The following COPG2 variants were observed in gnomAD, a reference collection of about 807,000 sequenced individuals.
The protein encoded by COPG2 is coatomer subunit gamma-2.
COPG2 carries 37 observed loss-of-function variants against 46.3 expected under a neutral mutation model. The observed-to-expected ratio is 0.80, with a 90% CI of 0.61 to 1.05. The LOEUF (loss-of-function observed/expected upper bound fraction) is 1.05, where lower values mean the gene tolerates loss of function less well. Ranked by LOEUF, COPG2 falls within the 50% of genes least tolerant of loss-of-function variation. The pLI is 0.00. For synonymous variants in COPG2, 159 were observed against 129.7 expected, an observed-to-expected ratio of 1.23 and a Z score of -1.53; for missense variants, 427 against 387.8, an observed-to-expected ratio of 1.10 and a Z score of -0.85.
At chr7:130,631,785 A>G (rs970829368) in intron 5 of COPG2, among the ~76,000 whole-genome samples, 11 of 152,156 alleles carry the variant, frequency 7.2e-5, no homozygotes, top group African/African-American at 2.7e-4. Flanking sequence ...AATTACGTAA[A>G]CAAGGAAAAT....
chr7:130,612,014 C>A, intron 8 of COPG2, 138 bp downstream of exon 8: 1 of 651,000 alleles, frequency 1.5e-6, no homozygotes, highest in Non-Finnish European at 2.7e-6. Flanking sequence ...AGTGAGATTC[C>A]TACTTCAGAA....
At chr7:130,651,930 A>G (rs1350539312) in intron 5 of COPG2, among the ~76,000 whole-genome samples, 5 of 152,168 alleles carry the variant, frequency 3.3e-5, no homozygotes, top group Non-Finnish European at 5.9e-5. Context: ...GATTACAGGC[A>G]TGAGCCACCA....
At position 130,663,014 on chromosome 7, in the gene COPG2, C is replaced by T; in HGVS notation, c.196G>A (p.Ala66Thr). The change falls in exon 4 of 24, where the codon GCT becomes ACT. Residue 66 changes from alanine (A) to threonine (T), a missense_variant. Ala to Thr is a moderately conservative substitution (Grantham distance 58, BLOSUM62 0). Transcript: ENST00000425248. The stretch of plus-strand genomic sequence containing the variant: ...GTCATTGCAAAGAAGGCTTCTGTAG[C>T]TTCCGTTGTTCCAAAGTGTTCACCC... ...NQGEHFGTTE[A>T]TEAFFAMTRL... 2 of 1,547,352 alleles carry T rather than the reference C, an allele frequency of 1.3e-6. No homozygotes were observed. The highest frequency in any genetic ancestry group is 1.4e-5 in the African/African-American group (1 of 72,430).
At chr7:130,531,943 G>GA (rs1321542394) in intron 20 of COPG2, among the ~76,000 whole-genome samples, 14 of 152,094 alleles carry the variant, frequency 9.2e-5, no homozygotes, top group African/African-American at 2.9e-4. Context: ...AAAAGTAAGG[G>GA]AAAAAATCAA....
Position 130,632,903 on chromosome 7 carries a change from C to A in COPG2, c.324-15838G>T, listed in dbSNP as rs961868488. Among the ~76,000 whole-genome samples the A allele has an allele frequency of 3.9e-5, 6 of 152,144 alleles. No homozygotes were observed. The South Asian group carries it at 1.2e-3, about 32-fold the overall frequency. ...ATGATATCCCTCCTCTAGCCCCCCACCCCGAGACAGGCCCCGGTGTGTGAT... is the reference window on the plus strand; with the variant it reads ...ATGATATCCCTCCTCTAGCCCCCCAACCCGAGACAGGCCCCGGTGTGTGAT... On this transcript the variant is annotated intron_variant, in intron 5 of 23. Coordinates refer to ENST00000425248, the MANE Select transcript of COPG2 (RefSeq NM_012133.6).
intron 20 of COPG2, among the ~76,000 whole-genome samples, chr7:130,544,814 G>C (rs912885802): frequency 3.9e-5 from 6 of 152,090 alleles, no homozygotes; most frequent in Admixed American, 1.3e-4. Flanking sequence ...GAGGACGAAA[G>C]ATAATAAGTA....
intron 9 of COPG2, among the ~76,000 whole-genome samples, chr7:130,594,515 T>C (rs1554449460): frequency 6.6e-6 from 1 of 152,220 alleles, no homozygotes. Context: ...AATTAGACTT[T>C]ATCAAAATGT....
chr7:130,528,195 G>T (rs1799791828), intron 20 of COPG2, among the ~76,000 whole-genome samples: 1 of 152,080 alleles, frequency 6.6e-6, no homozygotes, highest in Non-Finnish European at 1.5e-5. Flanking sequence ...GGATGTGGGG[G>T]AAGAGGGTGG....
At chr7:130,588,872 C>A (rs1563051668) in intron 9 of COPG2, among the ~76,000 whole-genome samples, 1 of 152,126 alleles carries the variant, frequency 6.6e-6, no homozygotes, top group African/African-American at 2.4e-5. Flanking sequence ...TCTCCCAGCT[C>A]CCTAAAGATA....
rs202067298 is a variant in COPG2 at position 130,657,550 on chromosome 7, AAT to A, written c.244-4604_244-4603del. 8.1e-3 allele frequency among the ~76,000 whole-genome samples: 1,235 copies of A among 152,314 alleles called. 9 individuals are homozygous for A. The highest frequency in any genetic ancestry group is 0.034 in the Middle Eastern group (10 of 294). On this transcript the variant is annotated intron_variant, in intron 4 of 23. Transcript: ENST00000425248. ...AATTTGATAAACTGGACTTCATCAA[AAT>A]TTAAAACTTCTGCCCTTTGAAAGAC... is the stretch of plus-strand genomic sequence containing the variant.
At chr7:130,613,678 G>C (rs782460176) in intron 6 of COPG2, 42 bp from the exon 7 acceptor site, 6 of 1,342,496 alleles carry the variant, frequency 4.5e-6, no homozygotes, top group Admixed American at 3.9e-5. Context: ...GGAAAAACAT[G>C]CTTATGCAAA....
chr7:130,633,268 G>T (rs1204555341), intron 5 of COPG2, among the ~76,000 whole-genome samples: 1 of 152,088 alleles, frequency 6.6e-6, no homozygotes, highest in East Asian at 1.9e-4. Flanking sequence ...CCAGTAATGC[G>T]ATTACTGGCT....
intron 9 of COPG2, chr7:130,603,721 C>CAAAA (rs782190006): frequency 9.4e-4 from 190 of 202,762 alleles, no homozygotes; most frequent in South Asian, 1.4e-3. Context: ...AACTCAGTCT[C>CAAAA]AAAAAAAAAA....
intron 6 of COPG2, among the ~76,000 whole-genome samples, chr7:130,615,855 G>A (rs1332712425): frequency 6.6e-6 from 1 of 152,236 alleles, no homozygotes; most frequent in African/African-American, 2.4e-5. Flanking sequence ...TGAGCCACCT[G>A]TGGGCCAGCC....
rs1222981230 is a variant in COPG2 at position 130,564,266 on chromosome 7, C to G, written c.865G>C (p.Val289Leu). The G allele has an allele frequency of 1.8e-5, 7 of 398,424 alleles. No individual in the cohort carries two copies. The highest frequency in any genetic ancestry group is 2.7e-5 in the Non-Finnish European group (6 of 226,048). 24.7% of individuals were successfully genotyped at this position (398,424 alleles called of 1,614,324 possible). Reference sequence around the variant, plus strand: ...CATCAAATATAAAACAAACCTGAAACAGCAGGTGCCAACTCTCTTGCAGTG... The same window carrying G: ...CATCAAATATAAAACAAACCTGAAAGAGCAGGTGCCAACTCTCTTGCAGTG... Reference protein sequence around the residue: ...NCTARELAPAVSVLQLFCSSP... With the variant: ...NCTARELAPALSVLQLFCSSP... Residue 289 changes from valine (V) to leucine (L), a missense_variant, in exon 10 of 24, where the codon GTT (valine) becomes CTT (leucine). Transcript: ENST00000425248.
intron 4 of COPG2, among the ~76,000 whole-genome samples, chr7:130,661,241 T>C (rs1795971511): frequency 6.6e-6 from 1 of 152,252 alleles, no homozygotes; most frequent in Non-Finnish European, 1.5e-5. Context: ...TCATCCTTTT[T>C]CTTTCTTACT....
At chr7:130,610,069 A>G (rs199627427) in intron 9 of COPG2, 13 of 519,138 alleles carry the variant, frequency 2.5e-5, no homozygotes, top group Middle Eastern at 3.2e-4. Flanking sequence ...GTCAGCTTCT[A>G]CTGACTATTT....
At chr7:130,564,474 T>C (rs1406478376) in intron 9 of COPG2, 81 bp from the exon 10 acceptor site, 2 of 398,076 alleles carry the variant, frequency 5.0e-6, no homozygotes, top group African/African-American at 4.1e-5. Context: ...CACAGGCAGA[T>C]TGAGAGGCAC....
intron 5 of COPG2, among the ~76,000 whole-genome samples, chr7:130,639,046 C>CCACTTG (rs1795408207): frequency 6.6e-6 from 1 of 152,160 alleles, no homozygotes; most frequent in Admixed American, 6.5e-5. Context: ...AACTTGACCT[C>CCACTTG]CAGGGGCTGC....
Sources: allele counts gnomAD v4.1 joint callset (sites outside exome capture counted in the v4.1 genomes callset), GRCh38; gene constraint gnomAD v4.1.1; transcripts MANE v1.5; gene names NCBI Gene and HGNC (gene_info 2026-07-23, HGNC 2026-07-21).